The following EPHA6 variants were observed in gnomAD, a reference collection of about 807,000 sequenced individuals.
EPHA6 encodes EPH receptor A6.
In EPHA6, 50 loss-of-function variants were observed where a neutral mutation model predicts 112.0. The observed-to-expected ratio is 0.45, with a 90% CI of 0.36 to 0.56. The LOEUF (loss-of-function observed/expected upper bound fraction) is 0.56. EPHA6 is among the 20% of genes least tolerant of loss of function. The pLI, the probability that EPHA6 is intolerant of heterozygous loss-of-function variation, is 0.00. For missense variants in EPHA6, 1,280 were observed against 1,417.4 expected (o/e 0.90, Z 1.56); for synonymous variants, 529 against 490.7 (o/e 1.08, Z -1.03).
chr3:97,447,794 G>A (rs2090399813), intron 6 of EPHA6: 1 of 1,015,530 alleles, frequency 9.8e-7, no homozygotes, highest in Non-Finnish European at 1.2e-6. Context: ...AAGAGACTGA[G>A]AACCAAGCCT....
At position 97,532,610 on chromosome 3, in the gene EPHA6, A is replaced by G. The variant is rs116075473; in HGVS notation, c.2386+67A>G. 1.5e-3 allele frequency: 1,929 copies of G among 1,318,252 alleles called. 3 individuals are homozygous for G. The highest frequency in any genetic ancestry group is 1.8e-3 in the Non-Finnish European group (1,770 of 963,126). 81.7% of individuals were successfully genotyped at this position (1,318,252 alleles called of 1,614,324 possible). ...TCTCAGTTTTTTTTTAAGAAAAGGA[A>G]AAATCTTCATAATAATACCACAGTC... On this transcript the variant is annotated intron_variant, in intron 11 of 17. Transcript: ENST00000389672.
At chr3:96,956,926 G>A (rs969967405) in intron 2 of EPHA6, among the ~76,000 whole-genome samples, 1 of 151,666 alleles carries the variant, frequency 6.6e-6, no homozygotes, top group African/African-American at 2.4e-5. Flanking sequence ...CCAGATACTC[G>A]GGAGGCTGAG....
chr3:97,170,363 G>A (rs16838422), intron 3 of EPHA6, among the ~76,000 whole-genome samples: 7 of 152,130 alleles, frequency 4.6e-5, no homozygotes, highest in South Asian at 4.1e-4. Context: ...TACCTGGGGC[G>A]TAATCTGCAG....
chr3:96,874,188 C>T (rs982229479), intron 2 of EPHA6, among the ~76,000 whole-genome samples: 1 of 151,892 alleles, frequency 6.6e-6, no homozygotes, highest in Non-Finnish European at 1.5e-5. Flanking sequence ...TTAGAAAGAC[C>T]GATTTTGTTT....
intron 3 of EPHA6, among the ~76,000 whole-genome samples, chr3:97,147,329 A>G (rs2076066649): frequency 6.6e-6 from 1 of 152,116 alleles, no homozygotes; most frequent in African/African-American, 2.4e-5. Context: ...TGTCTCAGAC[A>G]TTAACCCCCC....
chr3:97,017,602 G>A (rs1170606009), intron 3 of EPHA6, among the ~76,000 whole-genome samples: 3 of 151,978 alleles, frequency 2.0e-5, no homozygotes, highest in African/African-American at 7.3e-5. Flanking sequence ...GACTTATGGG[G>A]CAAGTGACCT....
intron 5 of EPHA6, among the ~76,000 whole-genome samples, chr3:97,270,426 A>G (rs2079840117): frequency 6.6e-6 from 1 of 152,194 alleles, no homozygotes; most frequent in Non-Finnish European, 1.5e-5. Flanking sequence ...AAAGCATGTT[A>G]GCAGCCTTGC....
intron 5 of EPHA6, among the ~76,000 whole-genome samples, chr3:97,250,064 C>T (rs1204922732): frequency 2.6e-5 from 4 of 152,114 alleles, no homozygotes; most frequent in South Asian, 2.1e-4. Flanking sequence ...GAGCAGATCA[C>T]GAATTGAAGA....
chr3:96,867,962 ATT>A (rs1231175655), intron 2 of EPHA6, among the ~76,000 whole-genome samples: 1 of 151,722 alleles, frequency 6.6e-6, no homozygotes, highest in Non-Finnish European at 1.5e-5. Context: ...TTTTTCTGAA[ATT>A]TTTGTTTATT....
intron 6 of EPHA6, among the ~76,000 whole-genome samples, chr3:97,425,027 G>A (rs1369226560): frequency 1.3e-5 from 2 of 152,172 alleles, no homozygotes; most frequent in African/African-American, 2.4e-5. Context: ...TGATGCAAGA[G>A]GTGGGCTCCC....
chr3:97,509,224 CATT>C (rs560849334), intron 10 of EPHA6, among the ~76,000 whole-genome samples: 6 of 151,636 alleles, frequency 4.0e-5, no homozygotes, highest in Non-Finnish European at 7.4e-5. Context: ...TTGATCCTGT[CATT>C]ATGATGTTAG....
intron 3 of EPHA6, among the ~76,000 whole-genome samples, chr3:97,199,978 C>T (rs996244351): frequency 2.0e-5 from 3 of 151,886 alleles, no homozygotes; most frequent in Non-Finnish European, 2.9e-5. Context: ...GTCTTAATCT[C>T]GTGAAGAAAG....
chr3:97,648,217 T>C (rs531116598), intron 14 of EPHA6: 4 of 682,552 alleles, frequency 5.9e-6, no homozygotes, highest in East Asian at 2.8e-5. Flanking sequence ...AGCCTCATTA[T>C]TGACAATATA....
Position 97,695,647 on chromosome 3 carries a change from T to C in EPHA6, c.2785-24614T>C, listed in dbSNP as rs113528379. On this transcript the variant is annotated intron_variant, in intron 14 of 17. Coordinates refer to ENST00000389672, the MANE Select transcript of EPHA6 (RefSeq NM_001080448.3). ...TTTCTGCCTCCCAGGTTCAAGAGAT[T>C]CTCCTGCCTCAGCTTCCCGAGTGTC... Among the ~76,000 whole-genome samples the C allele has an allele frequency of 3.5e-3, 537 of 152,284 alleles. 3 individuals carry two copies. The highest frequency in any genetic ancestry group is 0.012 in the African/African-American group (491 of 41,558).
At chr3:97,413,628 GT>G (rs1278408866) in intron 6 of EPHA6, among the ~76,000 whole-genome samples, 1 of 152,014 alleles carries the variant, frequency 6.6e-6, no homozygotes, top group Non-Finnish European at 1.5e-5. Context: ...TGAAATTACA[GT>G]TCTCTGTCTG....
intron 11 of EPHA6, among the ~76,000 whole-genome samples, chr3:97,542,547 A>C (rs528792355): frequency 6.6e-6 from 1 of 152,298 alleles, no homozygotes; most frequent in South Asian, 2.1e-4. Context: ...TAGTGCTGCT[A>C]TAAACATACG....
chr3:97,195,283 GC>G (rs2077411064), intron 3 of EPHA6, among the ~76,000 whole-genome samples: 1 of 151,860 alleles, frequency 6.6e-6, no homozygotes, highest in African/African-American at 2.4e-5. Context: ...TAGCCACGAG[GC>G]TTGCAAATAG....
intron 2 of EPHA6, among the ~76,000 whole-genome samples, chr3:96,957,845 C>T (rs994125260): frequency 9.2e-5 from 14 of 152,086 alleles, no homozygotes; most frequent in South Asian, 2.1e-4. Flanking sequence ...GACTGTATTA[C>T]ATTTTATTTA....
At chr3:96,958,172 C>T (rs1576168116) in intron 2 of EPHA6, among the ~76,000 whole-genome samples, 1 of 152,154 alleles carries the variant, frequency 6.6e-6, no homozygotes, top group East Asian at 1.9e-4. Flanking sequence ...TGCCTGTATT[C>T]CCAGCTACTT....
Sources: gnomAD v4.1 joint callset for allele counts (sites outside exome capture counted in the v4.1 genomes callset) on GRCh38, gnomAD v4.1.1 for gene constraint, MANE v1.5 for transcripts, NCBI Gene and HGNC (gene_info 2026-07-23, HGNC 2026-07-21) for gene names.